Variants in B4GALNT2 observed in about 807,000 individuals in gnomAD.
The protein encoded by B4GALNT2 is beta-1,4-N-acetyl-galactosaminyltransferase 2 (SID blood group), also known as N-acetylneuraminylgalactosylglucosyl-glucoside beta-1,4-N- acetylgalactosaminyltransferase 2.
A neutral mutation model predicts 51.1 loss-of-function variants in B4GALNT2; 42 were observed. That is an observed-to-expected ratio of 0.82 (90% confidence interval 0.64 to 1.06). The LOEUF is 1.06. Among genes scored for constraint, B4GALNT2 ranks in the 50% least tolerant of loss-of-function variants. B4GALNT2 has a pLI of 0.00. For missense variants in B4GALNT2, 602 were observed against 633.6 expected, an observed-to-expected ratio of 0.95 and a Z score of 0.54; for synonymous variants, 253 against 251.7, an observed-to-expected ratio of 1.01 and a Z score of -0.05.
At chr17:49,130,126 C>G (rs1397837402), upstream of B4GALNT2, among the ~76,000 whole-genome samples, 3 of 152,236 alleles carry the variant, frequency 2.0e-5, no homozygotes, top group African/African-American at 7.2e-5. Context: ...GAGAGAGGAT[C>G]TACAACCATA....
chr17:49,125,912 C>A, the B4GALNT2 span, among the ~76,000 whole-genome samples: 17 of 149,144 alleles, frequency 1.1e-4, no homozygotes, highest in Non-Finnish European at 2.5e-4. Flanking sequence ...GCCGCACCGT[C>A]TGGGAGGTGA....
chr17:49,163,991 A>T, intron 7 of B4GALNT2, 97 bp from the exon 8 acceptor site: 1 of 1,220,266 alleles, frequency 8.2e-7, no homozygotes, highest in Non-Finnish European at 1.2e-6. Context: ...ACAGACACTG[A>T]CAGGTTATGG....
upstream of B4GALNT2, among the ~76,000 whole-genome samples, chr17:49,129,226 G>C (rs1170169932): frequency 1.3e-5 from 2 of 151,770 alleles, no homozygotes; most frequent in African/African-American, 4.8e-5. Context: ...GGAGGATGAG[G>C]GAGGAGGAGG....
chr17:49,168,384 G>A (rs1367544280), intron 9 of B4GALNT2, among the ~76,000 whole-genome samples: 2 of 152,190 alleles, frequency 1.3e-5, no homozygotes, highest in Non-Finnish European at 2.9e-5. Context: ...CCAGTGGAAG[G>A]GAGTGAGTTA....
intron 3 of B4GALNT2, among the ~76,000 whole-genome samples, chr17:49,147,003 A>G (rs973151284): frequency 1.3e-5 from 2 of 152,168 alleles, no homozygotes; most frequent in African/African-American, 2.4e-5. Context: ...TATACAGGAG[A>G]TGTTTCTTAA....
chr17:49,144,381 T>G (rs1446792485), intron 3 of B4GALNT2, among the ~76,000 whole-genome samples: 2 of 152,166 alleles, frequency 1.3e-5, no homozygotes, highest in Admixed American at 6.5e-5. Context: ...AGGCACCGTC[T>G]CCATCAGGAG....
chr17:49,120,655 A>G, the B4GALNT2 span, among the ~76,000 whole-genome samples: 2 of 151,814 alleles, frequency 1.3e-5, no homozygotes, highest in African/African-American at 4.8e-5. Flanking sequence ...ACAGGCATGC[A>G]CCACCATGCC....
intron 1 of B4GALNT2, among the ~76,000 whole-genome samples, chr17:49,135,834 C>T (rs1047805853): frequency 1.2e-4 from 18 of 151,412 alleles, no homozygotes; most frequent in African/African-American, 2.9e-4. Flanking sequence ...GAGGCCGAGG[C>T]GGGCGGATCA....
rs1413773077 is a variant in B4GALNT2, at chr17:49,176,716, T to A, written c.*6988T>A. ...GCAGATTCTATGACCACTTCAGCCC[T>A]GCCTTTACAGTTTCTGTTTACCTGT... On this transcript the variant is annotated 3_prime_UTR_variant, in exon 11 of 11. Transcript: ENST00000393354. The A allele has an allele frequency of 6.6e-6, 1 of 152,250 alleles. No individual in the cohort carries two copies. Among genetic ancestry groups the A allele is most frequent in the Non-Finnish European group, 1.5e-5 (1 of 68,046 alleles). The allele number at this position is 152,250 out of a possible 1,614,324, so 9.4% of individuals were successfully genotyped here.
At chr17:49,139,864 T>C (rs1387223853) in intron 1 of B4GALNT2, among the ~76,000 whole-genome samples, 1 of 151,962 alleles carries the variant, frequency 6.6e-6, no homozygotes, top group African/African-American at 2.4e-5. Context: ...GAACGATTTC[T>C]ACTTTATTAC....
chr17:49,153,313 G>T (rs1407361298), intron 4 of B4GALNT2, among the ~76,000 whole-genome samples: 2 of 151,924 alleles, frequency 1.3e-5, no homozygotes, highest in Non-Finnish European at 2.9e-5. Flanking sequence ...TACTTGTGGG[G>T]TTGAAGCAGA....
intron 3 of B4GALNT2, among the ~76,000 whole-genome samples, chr17:49,150,315 CGCCT>C: frequency 7.1e-6 from 1 of 141,344 alleles, no homozygotes; most frequent in South Asian, 2.3e-4. Context: ...CAGCCCCCCC[CGCCT>C]GGCCAGCAGC....
At chr17:49,169,463 A>G (rs1327659423) in intron 10 of B4GALNT2, 60 bp from the exon 11 acceptor site, 1 of 1,522,026 alleles carries the variant, frequency 6.6e-7, no homozygotes, top group Non-Finnish European at 9.0e-7. Context: ...CCAGACCTAG[A>G]ATAGTGCCCA....
intron 1 of B4GALNT2, among the ~76,000 whole-genome samples, chr17:49,133,780 GCA>G (rs1338839330): frequency 3.3e-5 from 5 of 152,156 alleles, no homozygotes; most frequent in Admixed American, 2.6e-4. Flanking sequence ...GGGTGTGGTG[GCA>G]AGTGCCTGTA....
intron 1 of B4GALNT2, chr17:49,133,365 T>G: frequency 1.2e-6 from 1 of 857,636 alleles, no homozygotes; most frequent in Non-Finnish European, 1.6e-6. Context: ...GAGCTGCGGT[T>G]GTGTGGCCCC....
At chr17:49,150,630 C>T (rs1284721865) in intron 3 of B4GALNT2, among the ~76,000 whole-genome samples, 1 of 151,442 alleles carries the variant, frequency 6.6e-6, no homozygotes, top group East Asian at 2.0e-4. Context: ...TACCCCCAAC[C>T]CTGTGCTCTC....
At chr17:49,162,251 T>C (rs1369536538) in intron 7 of B4GALNT2, among the ~76,000 whole-genome samples, 2 of 152,210 alleles carry the variant, frequency 1.3e-5, no homozygotes, top group Non-Finnish European at 1.5e-5. Context: ...CTAATTTTAC[T>C]TAAGAGCATC....
intron 1 of B4GALNT2, among the ~76,000 whole-genome samples, chr17:49,134,682 G>C (rs2042574627): frequency 2.6e-5 from 4 of 152,140 alleles, no homozygotes; most frequent in Admixed American, 6.5e-5. Flanking sequence ...CCACCTCCAT[G>C]GTTCAAGCAA....
At position 49,173,798 on chromosome 17, in the gene B4GALNT2, T is replaced by C. The variant is rs1359903929; in HGVS notation, c.*4070T>C. On this transcript the variant is annotated 3_prime_UTR_variant, in exon 11 of 11. Transcript: ENST00000393354. Reference sequence around the variant, plus strand: ...TCTTGCTCTTGAACAATAACACCAGTAGGTGAATGCCGAGTTGAAAAAATT... The same window carrying C: ...TCTTGCTCTTGAACAATAACACCAGCAGGTGAATGCCGAGTTGAAAAAATT... The C allele has an allele frequency of 6.6e-6, 1 of 152,178 alleles. No homozygotes were observed. Among genetic ancestry groups the C allele is most frequent in the Non-Finnish European group, 1.5e-5 (1 of 68,030 alleles). 9.4% of individuals were successfully genotyped at this position (152,178 alleles called of 1,614,324 possible). A position where few individuals can be genotyped will look rare whatever the true frequency, so the allele number is the denominator to read the frequency against.
Sources: gnomAD v4.1 joint callset for allele counts (sites outside exome capture counted in the v4.1 genomes callset) on GRCh38, gnomAD v4.1.1 for gene constraint, MANE v1.5 for transcripts, NCBI Gene and HGNC (gene_info 2026-07-23, HGNC 2026-07-21) for gene names.